TENM1: variants seen among roughly 807,000 people sequenced by gnomAD.
The protein encoded by TENM1 is teneurin transmembrane protein 1, also known as teneurin-1.
Under a neutral mutation model 174.8 loss-of-function variants are expected in TENM1, and 35 were observed. The ratio of observed to expected loss-of-function variants is 0.20; its 90% CI spans 0.15 to 0.27. The LOEUF (loss-of-function observed/expected upper bound fraction) is 0.27. Among genes scored for constraint, TENM1 ranks in the 10% least tolerant of loss-of-function variants. The probability of loss-of-function intolerance (pLI) is 1.00; values close to 1 mark genes in which losing one functional copy is unlikely to be tolerated. For missense variants in TENM1, 1,633 were observed against 2,130.1 expected (o/e 0.77, Z 4.59); for synonymous variants, 781 against 798.7 (o/e 0.98, Z 0.37).
At chrX:124,730,715 AC>A (rs1227841005) in intron 4 of TENM1, among the ~76,000 whole-genome samples, 1 of 112,167 alleles carries the variant, frequency 8.9e-6, no homozygotes, top group African/African-American at 3.2e-5. Flanking sequence ...TGTGTTAATG[AC>A]TACACCTCCC....
At position 124,560,191 on chromosome X, in the gene TENM1, TTGTGTGTGTG is replaced by T. The variant is rs375476919; in HGVS notation, c.2434+1470_2434+1479del. Among the ~76,000 whole-genome samples the T allele has an allele frequency of 1.7e-4, 15 of 88,209 alleles. No individual in the cohort carries two copies. The East Asian group carries it at 2.0e-3, about 12-fold the overall frequency. 76.6% of individuals were successfully genotyped at this position (88,209 alleles called of 115,157 possible). Reference sequence around the variant, plus strand: ...CTCTTCAGAAAATAGTCTCTTCTATTTGTGTGTGTGTGTGTGTGTGTGTGTGTGTGTGTGT... The same window carrying T: ...CTCTTCAGAAAATAGTCTCTTCTATTTGTGTGTGTGTGTGTGTGTGTGTGT... On this transcript the variant is annotated intron_variant, in intron 14 of 31. Transcript: ENST00000422452.
chrX:124,834,946 T>C (rs920698354), intron 3 of TENM1, among the ~76,000 whole-genome samples: 1 of 112,145 alleles, frequency 8.9e-6, no homozygotes, highest in African/African-American at 3.2e-5. Flanking sequence ...TCATGTCACT[T>C]ATATGCTCCC....
At chrX:124,911,588 T>C (rs1013668737) in intron 1 of TENM1, among the ~76,000 whole-genome samples, 2 of 111,834 alleles carry the variant, frequency 1.8e-5, no homozygotes, top group African/African-American at 6.5e-5. Context: ...ATAAGAGCAT[T>C]TCTAGCACAG....
At chrX:125,027,527 C>T in the TENM1 span, among the ~76,000 whole-genome samples, 1 of 110,196 alleles carries the variant, frequency 9.1e-6, no homozygotes, top group Non-Finnish European at 1.9e-5. Flanking sequence ...GCATAAGAAA[C>T]AAACTGAAAG....
intron 6 of TENM1, among the ~76,000 whole-genome samples, chrX:124,667,652 G>GTACAA (rs1768461070): frequency 9.1e-6 from 1 of 109,668 alleles, no homozygotes; most frequent in African/African-American, 3.3e-5. Context: ...GACTATTTTG[G>GTACAA]TACAATACTT....
At chrX:125,122,418 C>G in the TENM1 span, among the ~76,000 whole-genome samples, 19 of 111,307 alleles carry the variant, frequency 1.7e-4, no homozygotes, top group Non-Finnish European at 2.5e-4. Context: ...AGGTCTAGAT[C>G]ATTTCGATCA....
chrX:124,598,865 T>G (rs756377823), intron 11 of TENM1, among the ~76,000 whole-genome samples: 2 of 111,608 alleles, frequency 1.8e-5, no homozygotes, highest in Non-Finnish European at 3.8e-5. Flanking sequence ...CAATAGTCAA[T>G]AGTAAATTAA....
chrX:125,148,723 G>A, the TENM1 span, among the ~76,000 whole-genome samples: 1 of 111,562 alleles, frequency 9.0e-6, no homozygotes. Context: ...CGTAGTGGCT[G>A]GATCTAGAAG....
At chrX:125,088,920 A>G in the TENM1 span, among the ~76,000 whole-genome samples, 1 of 111,504 alleles carries the variant, frequency 9.0e-6, no homozygotes, top group Non-Finnish European at 1.9e-5. Flanking sequence ...ATAGCTTCAA[A>G]AATACCTATA....
chrX:124,760,302 A>G (rs1345414209), intron 3 of TENM1, among the ~76,000 whole-genome samples: 3 of 111,986 alleles, frequency 2.7e-5, no homozygotes, highest in Non-Finnish European at 3.8e-5. Context: ...AGCTGAACTA[A>G]AGAGAATGTT....
chrX:124,953,699 G>GTC (rs2058527232), intron 1 of TENM1, among the ~76,000 whole-genome samples: 1 of 111,708 alleles, frequency 9.0e-6, no homozygotes, highest in Non-Finnish European at 1.9e-5. Context: ...TTTCCCAGGG[G>GTC]ACAATCATCT....
the TENM1 span, among the ~76,000 whole-genome samples, chrX:124,986,321 C>T: frequency 9.0e-6 from 1 of 111,414 alleles, no homozygotes; most frequent in Non-Finnish European, 1.9e-5. Context: ...AAAGTTGCTA[C>T]TTTCATATAA....
intron 4 of TENM1, among the ~76,000 whole-genome samples, chrX:124,719,730 G>A (rs993114730): frequency 1.8e-5 from 2 of 111,733 alleles, no homozygotes; most frequent in East Asian, 2.8e-4. Flanking sequence ...TAAGGTCAAC[G>A]TCAAGAATAT....
the TENM1 span, among the ~76,000 whole-genome samples, chrX:125,161,975 T>C: frequency 9.0e-6 from 1 of 111,111 alleles, no homozygotes; most frequent in African/African-American, 3.3e-5. Context: ...TAAGGAAGAG[T>C]GATGTGACCT....
chrX:125,090,365 G>T, the TENM1 span, among the ~76,000 whole-genome samples: 1 of 111,451 alleles, frequency 9.0e-6, no homozygotes, highest in Non-Finnish European at 1.9e-5. Context: ...GTATGCAAAG[G>T]CCAGATACGG....
intron 22 of TENM1, among the ~76,000 whole-genome samples, chrX:124,470,607 A>T (rs1424909657): frequency 9.0e-6 from 1 of 110,659 alleles, no homozygotes; most frequent in South Asian, 3.8e-4. Context: ...TGCCTTTTAA[A>T]TTTTTCTTCT....
chrX:125,006,168 C>A, the TENM1 span, among the ~76,000 whole-genome samples: 5 of 111,857 alleles, frequency 4.5e-5, no homozygotes, highest in South Asian at 1.1e-3. Context: ...CTGGGGCAAT[C>A]GAGTTTGGTA....
the TENM1 span, among the ~76,000 whole-genome samples, chrX:125,203,651 G>C: frequency 1.8e-5 from 2 of 112,748 alleles, no homozygotes; most frequent in African/African-American, 6.4e-5. Flanking sequence ...AGGAGTCCCA[G>C]AGCGGACTCA....
At chrX:124,555,009 T>C (rs1291902402) in intron 14 of TENM1, among the ~76,000 whole-genome samples, 1 of 112,266 alleles carries the variant, frequency 8.9e-6, no homozygotes, top group Non-Finnish European at 1.9e-5. Context: ...ACACTCTTAC[T>C]CTACATTTTT....
Sources: gnomAD v4.1 joint callset for allele counts (sites outside exome capture counted in the v4.1 genomes callset) on GRCh38, gnomAD v4.1.1 for gene constraint, MANE v1.5 for transcripts, NCBI Gene and HGNC (gene_info 2026-07-23, HGNC 2026-07-21) for gene names.